Variants in FGF11 observed in about 807,000 individuals in gnomAD.
FGF11 encodes the protein fibroblast growth factor 11, also known as fibroblast growth factor homologous factor 3.
A neutral mutation model predicts 25.1 loss-of-function variants in FGF11; 25 were observed. The ratio of observed to expected loss-of-function variants is 1.00; its 90% CI spans 0.73 to 1.39. FGF11 has a LOEUF of 1.39. FGF11 is among the 40% of genes most tolerant of loss of function. FGF11 has a pLI of 0.00. For missense variants in FGF11, 320 were observed against 311.0 expected, an observed-to-expected ratio of 1.03 and a Z score of -0.22; for synonymous variants, 130 against 128.9, an observed-to-expected ratio of 1.01 and a Z score of -0.06.
chr17:7,443,221 G>A lies in FGF11; in HGVS notation c.*75G>A. 2.1e-6 allele frequency: 2 copies of A among 933,798 alleles called. No individual in the cohort carries two copies. The highest frequency in any genetic ancestry group is 3.4e-6 in the Non-Finnish European group (2 of 592,804). The allele number at this position is 933,798 out of a possible 1,614,324, so 57.8% of individuals were successfully genotyped here. A position where few individuals can be genotyped will look rare whatever the true frequency, so the allele number is the denominator to read the frequency against. ...CCACCACAACCTGTCTCCCAGTCCT[G>A]CTCTCACCCCTGCTGCCACACACAT... is the stretch of plus-strand genomic sequence containing the variant. On this transcript the variant is annotated 3_prime_UTR_variant, in exon 5 of 5. Transcript: ENST00000293829.
Position 7,442,612 on chromosome 17 carries a change from T to G in FGF11, c.427T>G (p.Cys143Gly), listed in dbSNP as rs772073808. 6.2e-7 allele frequency: 1 copy of G among 1,614,184 alleles called. No individual in the cohort carries two copies. Among genetic ancestry groups the G allele is most frequent in the South Asian group, 1.1e-5 (1 of 91,084 alleles). Residue 143 changes from cysteine to glycine, a missense_variant, in exon 4 of 5, where the codon TGT becomes GGT. Transcript: ENST00000293829. The stretch of plus-strand genomic sequence containing the variant: ...TCCTTAGCCGCATTTCACAGCTGAG[T>G]GTCGCTTTAAGGAGTGTGTCTTTGA... ...LYSSPHFTAECRFKECVFENY... is the reference protein window; with the variant it reads ...LYSSPHFTAEGRFKECVFENY...
At position 7,441,840 on chromosome 17, in the gene FGF11, C is replaced by T; in HGVS notation, c.369C>T (p.His123=). 6.2e-7 allele frequency: 1 copy of T among 1,612,716 alleles called. No individual in the cohort carries two copies. The change falls in exon 3 of 5, where the codon CAC becomes CAT. Residue 123 remains histidine, a synonymous_variant. Transcript: ENST00000293829. The part of the protein sequence containing the change: ...VVTIQSAKLG[H]YMAMNAEGLL... ...CCATCCAGAGCGCCAAGCTGGGTCA[C>T]TACATGGCCATGAATGCTGAGGGAC...
Position 7,440,869 on chromosome 17 carries a change from G to T in FGF11, c.194-602G>T. The T allele has an allele frequency of 3.0e-6, 3 of 990,506 alleles. No individual in the cohort carries two copies. The highest frequency in any genetic ancestry group is 3.6e-6 in the Non-Finnish European group (3 of 833,096). The allele number at this position is 990,506 out of a possible 1,614,324, so 61.4% of individuals were successfully genotyped here. ...TACCTGGCCGAAGGGGAGAGGCTGA[G>T]CCTCAGGGAGAACTGGGCCCCCGGG... On this transcript the variant is annotated intron_variant, in intron 1 of 4. Transcript: ENST00000293829. The surrounding 1 kb of genome is among the most constrained non-coding windows in gnomAD (Gnocchi z 5.4).
rs538367704 is a variant in FGF11 at position 7,440,952 on chromosome 17, C to T, written c.194-519C>T. 6.2e-4 allele frequency: 621 copies of T among 1,002,742 alleles called. No homozygotes were observed. The highest frequency in any genetic ancestry group is 7.0e-4 in the Non-Finnish European group (586 of 839,208). 62.1% of individuals were successfully genotyped at this position (1,002,742 alleles called of 1,614,324 possible). A position where few individuals can be genotyped will look rare whatever the true frequency, so the allele number is the denominator to read the frequency against. ...GACAGATGGGTCAGTGTCAGACAGG[C>T]CGGCGCTGGGCCAAGGCAAGGCTCT... is the stretch of plus-strand genomic sequence containing the variant. On this transcript the variant is annotated intron_variant, in intron 1 of 4. Coordinates refer to ENST00000293829, the MANE Select transcript of FGF11 (RefSeq NM_004112.4). The surrounding 1 kb of genome is among the most constrained non-coding windows in gnomAD (Gnocchi z 5.4).
Position 7,443,067 on chromosome 17 carries a change from C to G in FGF11, c.608-9C>G. On this transcript the variant is annotated splice_polypyrimidine_tract_variant and intron_variant, in intron 4 of 4. Coordinates refer to ENST00000293829, the MANE Select transcript of FGF11 (RefSeq NM_004112.4). ...TCCTTCCCTGCTCCTCTCTTTCTCC[C>G]CTTCACAGTGGCCATGTACCAGGAG... 6.2e-7 allele frequency: 1 copy of G among 1,608,490 alleles called. No homozygotes were observed. Among genetic ancestry groups the G allele is most frequent in the Non-Finnish European group, 8.5e-7 (1 of 1,175,336 alleles).
At chr17:7,441,421 T>C in intron 1 of FGF11, 50 bp from the exon 2 acceptor site, 1 of 1,610,408 alleles carries the variant, frequency 6.2e-7, no homozygotes, top group Non-Finnish European at 8.5e-7. Context: ...TGTAGGAATG[T>C]TTCTGGGAAC....
rs1352174681 is a variant in FGF11, at chr17:7,440,002, C to T, written c.193+189C>T. 2.2e-6 allele frequency: 1 copy of T among 454,586 alleles called. No homozygotes were observed. The highest frequency in any genetic ancestry group is 3.7e-6 in the Non-Finnish European group (1 of 269,964). 28.2% of individuals were successfully genotyped at this position (454,586 alleles called of 1,614,324 possible). On this transcript the variant is annotated intron_variant, in intron 1 of 4. Coordinates refer to ENST00000293829, the MANE Select transcript of FGF11 (RefSeq NM_004112.4). The surrounding 1 kb of genome is among the most constrained non-coding windows in gnomAD (Gnocchi z 5.4). Reference sequence around the variant, plus strand: ...CTCTTTTGTCCATAACCCGGAGTCTCCTTATTTTCGAGGTCAAGGGGAAGG... The same window carrying T: ...CTCTTTTGTCCATAACCCGGAGTCTTCTTATTTTCGAGGTCAAGGGGAAGG...
At position 7,442,596 on chromosome 17, in the gene FGF11, G is replaced by A. The variant is rs756968452; in HGVS notation, c.411G>A (p.Pro137=). Residue 137 remains proline, a splice_region_variant and synonymous_variant, in exon 4 of 5, where the codon CCG becomes CCA. Transcript: ENST00000293829. ...TTTCTGGGTCTTTGTCTCCTTAGCC[G>A]CATTTCACAGCTGAGTGTCGCTTTA... ...MNAEGLLYSS[P]HFTAECRFKE... 16 of 1,614,058 alleles carry A rather than the reference G, an allele frequency of 9.9e-6. 1 individual carries two copies. The highest frequency in any genetic ancestry group is 1.6e-4 in the Middle Eastern group (1 of 6,062).
At chr17:7,441,641 T>A in intron 2 of FGF11, 60 bp downstream of exon 2, 1 of 1,603,172 alleles carries the variant, frequency 6.2e-7, no homozygotes, top group South Asian at 1.1e-5. Context: ...GAGATGACAA[T>A]CCTATTCCCT....
At position 7,440,962 on chromosome 17, in the gene FGF11, G is replaced by T. The variant is rs1597743075; in HGVS notation, c.194-509G>T. 1.0e-6 allele frequency: 1 copy of T among 1,004,506 alleles called. No individual in the cohort carries two copies. Among genetic ancestry groups the T allele is most frequent in the East Asian group, 1.0e-4 (1 of 9,902 alleles). The allele number at this position is 1,004,506 out of a possible 1,614,324, so 62.2% of individuals were successfully genotyped here. On this transcript the variant is annotated intron_variant, in intron 1 of 4. Coordinates refer to ENST00000293829, the MANE Select transcript of FGF11 (RefSeq NM_004112.4). The surrounding 1 kb of genome is among the most constrained non-coding windows in gnomAD (Gnocchi z 5.4). Reference sequence around the variant, plus strand: ...TCAGTGTCAGACAGGCCGGCGCTGGGCCAAGGCAAGGCTCTCGCCAAGCTA... The same window carrying T: ...TCAGTGTCAGACAGGCCGGCGCTGGTCCAAGGCAAGGCTCTCGCCAAGCTA...
At position 7,444,803 on chromosome 17, in the gene FGF11, G is replaced by C. The variant is rs916875582; in HGVS notation, c.*1657G>C. Reference sequence around the variant, plus strand: ...TTTTCCTTAGGCTGTTCTACTTCTGGCTTGTTGCAAGAGGAGTAGATGCCC... The same window carrying C: ...TTTTCCTTAGGCTGTTCTACTTCTGCCTTGTTGCAAGAGGAGTAGATGCCC... On this transcript the variant is annotated 3_prime_UTR_variant, in exon 5 of 5. Coordinates refer to ENST00000293829, the MANE Select transcript of FGF11 (RefSeq NM_004112.4). 4.1e-6 allele frequency: 2 copies of C among 483,466 alleles called. No homozygotes were observed. Among genetic ancestry groups the C allele is most frequent in the Non-Finnish European group, 7.5e-6 (2 of 265,696 alleles). The allele number at this position is 483,466 out of a possible 1,614,324, so 29.9% of individuals were successfully genotyped here. A position where few individuals can be genotyped will look rare whatever the true frequency, so the allele number is the denominator to read the frequency against.
Position 7,440,105 on chromosome 17 carries a change from C to T in FGF11, c.193+292C>T. ...CTTCCCAACACAGCAGTCCCCACCCCCATCGTCCTCCGCCTACGTGCCGGT... is the reference window on the plus strand; with the variant it reads ...CTTCCCAACACAGCAGTCCCCACCCTCATCGTCCTCCGCCTACGTGCCGGT... On this transcript the variant is annotated intron_variant, in intron 1 of 4. Coordinates refer to ENST00000293829, the MANE Select transcript of FGF11 (RefSeq NM_004112.4). The surrounding 1 kb of genome is among the most constrained non-coding windows in gnomAD (Gnocchi z 5.4). 3.0e-6 allele frequency: 1 copy of T among 335,248 alleles called. No individual in the cohort carries two copies. The highest frequency in any genetic ancestry group is 4.4e-5 in the East Asian group (1 of 22,504). The allele number at this position is 335,248 out of a possible 1,614,324, so 20.8% of individuals were successfully genotyped here.
rs1908447049 is a variant in FGF11 at position 7,443,512 on chromosome 17, C to G, written c.*366C>G. On this transcript the variant is annotated 3_prime_UTR_variant, in exon 5 of 5. Coordinates refer to ENST00000293829, the MANE Select transcript of FGF11 (RefSeq NM_004112.4). ...CCCCGGCTCAGCCAGTTCCTGGAGT[C>G]CTGTGCCCCTTTTCATTGCCACTGA... 1 of 217,944 alleles carries G rather than the reference C, an allele frequency of 4.6e-6. No homozygotes were observed. The highest frequency in any genetic ancestry group is 9.1e-6 in the Non-Finnish European group (1 of 109,656). 13.5% of individuals were successfully genotyped at this position (217,944 alleles called of 1,614,324 possible).
At chr17:7,442,516 A>G in intron 3 of FGF11, 78 bp from the exon 4 acceptor site, 1 of 1,601,860 alleles carries the variant, frequency 6.2e-7, no homozygotes, top group East Asian at 2.2e-5. Context: ...TGTGCTTTCC[A>G]TGAGCTCCTT....
Position 7,439,741 on chromosome 17 carries a change from A to C in FGF11, c.121A>C (p.Lys41Gln). 1 of 1,572,456 alleles carries C rather than the reference A, an allele frequency of 6.4e-7. No homozygotes were observed. The highest frequency in any genetic ancestry group is 8.6e-7 in the Non-Finnish European group (1 of 1,163,918). ...CPRGTKSLCQ[K>Q]QLLILLSKVR... The stretch of plus-strand genomic sequence containing the variant: ...CCGCGGCACCAAGTCCCTTTGCCAG[A>C]AGCAGCTCCTCATCCTGCTGTCCAA... The change falls in exon 1 of 5, where the codon AAG (lysine) becomes CAG (glutamine). Residue 41 changes from lysine (K) to glutamine (Q), a missense_variant. Transcript: ENST00000293829.
Position 7,443,184 on chromosome 17 carries a change from G to C in FGF11, c.*38G>C. The C allele has an allele frequency of 7.5e-7, 1 of 1,326,952 alleles. No individual in the cohort carries two copies. The allele number at this position is 1,326,952 out of a possible 1,614,324, so 82.2% of individuals were successfully genotyped here. A position where few individuals can be genotyped will look rare whatever the true frequency, so the allele number is the denominator to read the frequency against. ...GGACTGGAGGTTCCCTGCACTCCCAGTGAGCCAGCCACCACCACAACCTGT... is the reference window on the plus strand; with the variant it reads ...GGACTGGAGGTTCCCTGCACTCCCACTGAGCCAGCCACCACCACAACCTGT... On this transcript the variant is annotated 3_prime_UTR_variant, in exon 5 of 5. Coordinates refer to ENST00000293829, the MANE Select transcript of FGF11 (RefSeq NM_004112.4).
chr17:7,439,720 G>A lies in FGF11; in HGVS notation c.100G>A (p.Gly34Ser). 1.3e-6 allele frequency: 2 copies of A among 1,572,750 alleles called. No individual in the cohort carries two copies. The highest frequency in any genetic ancestry group is 1.7e-6 in the Non-Finnish European group (2 of 1,164,252). The change falls in exon 1 of 5, where the codon GGC becomes AGC. Residue 34 changes from glycine to serine, a missense_variant. By Grantham distance (56) the Gly-to-Ser change is moderately conservative (BLOSUM62 0). Coordinates refer to ENST00000293829, the MANE Select transcript of FGF11 (RefSeq NM_004112.4). The stretch of plus-strand genomic sequence containing the variant: ...GGCGCAGCGGCGCGTGTGTCCCCGC[G>A]GCACCAAGTCCCTTTGCCAGAAGCA... ...VSAQRRVCPR[G>S]TKSLCQKQLL... is the part of the protein sequence containing the mutation.
At position 7,440,685 on chromosome 17, in the gene FGF11, T is replaced by A; in HGVS notation, c.194-786T>A. The stretch of plus-strand genomic sequence containing the variant: ...CCCAGCTCCCCTAAGGGTAGCCACC[T>A]CGCGCCCTCCTCCCCGCGCCACCGG... On this transcript the variant is annotated intron_variant, in intron 1 of 4. Coordinates refer to ENST00000293829, the MANE Select transcript of FGF11 (RefSeq NM_004112.4). This position sits in a 1 kb window ranked among gnomAD's most constrained non-coding sequence, Gnocchi z 5.4. The A allele has an allele frequency of 1.0e-6, 1 of 984,180 alleles. No homozygotes were observed. The highest frequency in any genetic ancestry group is 1.2e-6 in the Non-Finnish European group (1 of 829,924). 61.0% of individuals were successfully genotyped at this position (984,180 alleles called of 1,614,324 possible).
At position 7,442,634 on chromosome 17, in the gene FGF11, T is replaced by C. The variant is rs1285672348; in HGVS notation, c.449T>C (p.Phe150Ser). The change falls in exon 4 of 5, where the codon TTT becomes TCT. Residue 150 changes from phenylalanine to serine, a missense_variant. Phe to Ser is a radical substitution (Grantham distance 155). Transcript: ENST00000293829. Reference sequence around the variant, plus strand: ...GAGTGTCGCTTTAAGGAGTGTGTCTTTGAGAATTACTACGTCCTGTACGCC... The same window carrying C: ...GAGTGTCGCTTTAAGGAGTGTGTCTCTGAGAATTACTACGTCCTGTACGCC... ...TAECRFKECVFENYYVLYASA... is the reference protein window; with the variant it reads ...TAECRFKECVSENYYVLYASA... The C allele has an allele frequency of 2.5e-6, 4 of 1,614,088 alleles. No homozygotes were observed. Among genetic ancestry groups the C allele is most frequent in the Admixed American group, 3.3e-5 (2 of 60,006 alleles).
Sources: gnomAD v4.1 joint callset for allele counts on GRCh38, gnomAD v4.1.1 for gene constraint, Gnocchi (gnomAD v3.1) non-coding constraint, MANE v1.5 for transcripts, NCBI Gene and HGNC (gene_info 2026-07-23, HGNC 2026-07-21) for gene names.